The following AFAP1L1 variants were observed in gnomAD, a reference collection of about 807,000 sequenced individuals.
AFAP1L1 encodes actin filament-associated protein 1-like 1.
AFAP1L1 carries 77 observed loss-of-function variants against 99.8 expected under a neutral mutation model. That is an observed-to-expected ratio of 0.77 (90% CI 0.64 to 0.93). The LOEUF (loss-of-function observed/expected upper bound fraction) is 0.93. AFAP1L1 is among the 40% of genes least tolerant of loss of function. The probability of loss-of-function intolerance (pLI) is 0.00; values close to 1 mark genes in which losing one functional copy is unlikely to be tolerated. For synonymous variants in AFAP1L1, 373 were observed against 395.3 expected, an observed-to-expected ratio of 0.94 and a Z score of 0.67; for missense variants, 893 against 996.8, an observed-to-expected ratio of 0.90 and a Z score of 1.40.
At position 149,340,204 on chromosome 5, in the gene AFAP1L1, C is replaced by G; in HGVS notation, c.*174C>G. 1 of 641,644 alleles carries G rather than the reference C, an allele frequency of 1.6e-6. No individual in the cohort carries two copies. The highest frequency in any genetic ancestry group is 2.7e-6 in the Non-Finnish European group (1 of 371,626). 39.7% of individuals were successfully genotyped at this position (641,644 alleles called of 1,614,324 possible). ...GATTTTAGGGGATATGGGGAGGGAA[C>G]AAGTAGAAGGGAAGAGGGAAATGGA... is the stretch of plus-strand genomic sequence containing the variant. On this transcript the variant is annotated 3_prime_UTR_variant, in exon 19 of 19. Transcript: ENST00000296721.
At chr5:149,293,028 A>G (rs756539342) in intron 1 of AFAP1L1, among the ~76,000 whole-genome samples, 9 of 152,216 alleles carry the variant, frequency 5.9e-5, no homozygotes, top group African/African-American at 9.6e-5. Flanking sequence ...GCTCAGTGTC[A>G]GGGCCAGAGC....
chr5:149,302,725 G>T, intron 5 of AFAP1L1, 199 bp downstream of exon 5: 1 of 481,320 alleles, frequency 2.1e-6, no homozygotes. Flanking sequence ...GGGGCCCCAG[G>T]GGCTGGGGGC....
intron 1 of AFAP1L1, among the ~76,000 whole-genome samples, chr5:149,272,783 A>G (rs1028130641): frequency 3.6e-5 from 5 of 138,062 alleles, no homozygotes; most frequent in Admixed American, 2.4e-4. Flanking sequence ...GCTCACTGCA[A>G]CCTCCGCCTC....
rs371979196 is a variant in AFAP1L1, at chr5:149,334,880, CA to C, written c.2155-704del. 7.4e-3 allele frequency among the ~76,000 whole-genome samples: 1,018 copies of C among 137,884 alleles called. 3 individuals carry two copies. Among genetic ancestry groups the C allele is most frequent in the Middle Eastern group, 0.035 (10 of 282 alleles). 90.5% of individuals were successfully genotyped at this position (137,884 alleles called of 152,430 possible). ...GGCAAGAGAGCAAGACTCTGTCTTA[CA>C]AAAAAAAAAGAAAGAAAGGAAAGAA... On this transcript the variant is annotated intron_variant, in intron 17 of 18. Transcript: ENST00000296721.
At chr5:149,277,577 T>C (rs1755377398) in intron 1 of AFAP1L1, among the ~76,000 whole-genome samples, 1 of 152,236 alleles carries the variant, frequency 6.6e-6, no homozygotes, top group South Asian at 2.1e-4. Context: ...CCTTCTATGG[T>C]AATGGTCTTT....
At chr5:149,306,864 G>T (rs1297520191) in intron 6 of AFAP1L1, among the ~76,000 whole-genome samples, 1 of 150,944 alleles carries the variant, frequency 6.6e-6, no homozygotes, top group African/African-American at 2.4e-5. Flanking sequence ...CATTTATTAT[G>T]ATCATTTTAC....
At chr5:149,315,351 C>T (rs1229386237) in intron 9 of AFAP1L1, among the ~76,000 whole-genome samples, 3 of 152,204 alleles carry the variant, frequency 2.0e-5, no homozygotes, top group African/African-American at 7.2e-5. Flanking sequence ...TCCATCCTCA[C>T]TGTCATCTTG....
chr5:149,313,605 G>A (rs1355996166), intron 9 of AFAP1L1, among the ~76,000 whole-genome samples: 1 of 152,174 alleles, frequency 6.6e-6, no homozygotes, highest in African/African-American at 2.4e-5. Flanking sequence ...CATATCCGGG[G>A]CACCCCAGGA....
intron 1 of AFAP1L1, among the ~76,000 whole-genome samples, chr5:149,284,621 G>A (rs767787675): frequency 7.2e-5 from 11 of 152,350 alleles, no homozygotes; most frequent in Non-Finnish European, 1.6e-4. Flanking sequence ...ATGGGATTAC[G>A]GAGACGTTGG....
At chr5:149,289,961 C>T (rs1386443450) in intron 1 of AFAP1L1, among the ~76,000 whole-genome samples, 1 of 152,124 alleles carries the variant, frequency 6.6e-6, no homozygotes, top group African/African-American at 2.4e-5. Context: ...GGGCCGGGTG[C>T]GGTGGCTCAC....
chr5:149,300,994 A>G (rs1756186347), intron 3 of AFAP1L1, 139 bp from the exon 4 acceptor site: 3 of 632,418 alleles, frequency 4.7e-6, no homozygotes, highest in Non-Finnish European at 8.4e-6. Context: ...GTCAAAAGTC[A>G]TTTGTTTAGG....
chr5:149,285,946 G>A (rs1755666803), intron 1 of AFAP1L1, among the ~76,000 whole-genome samples: 1 of 152,124 alleles, frequency 6.6e-6, no homozygotes, highest in Admixed American at 6.5e-5. Context: ...ACCCATTACT[G>A]TGCTGAACAC....
chr5:149,332,928 C>A (rs1207176731), intron 17 of AFAP1L1, 55 bp downstream of exon 17: 2 of 1,460,476 alleles, frequency 1.4e-6, no homozygotes, highest in Middle Eastern at 2.5e-4. Context: ...CCTCCACTCA[C>A]TACAGATCTC....
chr5:149,307,816 CTT>C (rs113580484), intron 7 of AFAP1L1, among the ~76,000 whole-genome samples: 3 of 143,926 alleles, frequency 2.1e-5, no homozygotes, highest in Admixed American at 7.1e-5. Flanking sequence ...CTGTGCCTCT[CTT>C]TCTCTCTCTC....
At chr5:149,315,502 G>A (rs1423459198) in intron 9 of AFAP1L1, 2 of 322,846 alleles carry the variant, frequency 6.2e-6, no homozygotes. Context: ...TTACATGAGT[G>A]TTCCACTTAA....
chr5:149,273,519 G>A (rs1755204771), intron 1 of AFAP1L1, among the ~76,000 whole-genome samples: 1 of 152,004 alleles, frequency 6.6e-6, no homozygotes, highest in African/African-American at 2.4e-5. Flanking sequence ...AGAGAATACT[G>A]CATTCACCTT....
chr5:149,271,951 G>T lies in AFAP1L1; in HGVS notation c.-18G>T. On this transcript the variant is annotated 5_prime_UTR_variant, in exon 1 of 19. Coordinates refer to ENST00000296721, the MANE Select transcript of AFAP1L1 (RefSeq NM_152406.4). ...CCCTGCGCCCTGCGGCCCGCTCCCC[G>T]GGGACCGGGCCGGCGCCATGGACCG... is the stretch of plus-strand genomic sequence containing the variant. 1 of 1,228,692 alleles carries T rather than the reference G, an allele frequency of 8.1e-7. No individual in the cohort carries two copies. The highest frequency in any genetic ancestry group is 1.0e-6 in the Non-Finnish European group (1 of 984,342). The allele number at this position is 1,228,692 out of a possible 1,614,324, so 76.1% of individuals were successfully genotyped here.
rs372729877 is a variant in AFAP1L1, at chr5:149,323,645, A to AT, written c.1810+929dup. On this transcript the variant is annotated intron_variant, in intron 15 of 18. Transcript: ENST00000296721. ...TAGCTCCATTTCATTTGTATAGATCATCCCTTCTGAGGGTCAGGAAATCTG... is the reference window on the plus strand; with the variant it reads ...TAGCTCCATTTCATTTGTATAGATCATTCCCTTCTGAGGGTCAGGAAATCTG... Among the ~76,000 whole-genome samples, 27 of 152,338 alleles carry AT rather than the reference A, an allele frequency of 1.8e-4. No individual in the cohort carries two copies. In the East Asian group the frequency reaches 4.8e-3, roughly 27 times the overall value.
At chr5:149,313,334 C>T (rs1334905568) in intron 9 of AFAP1L1, among the ~76,000 whole-genome samples, 2 of 152,252 alleles carry the variant, frequency 1.3e-5, no homozygotes, top group East Asian at 3.9e-4. Context: ...GGGCCTTGCA[C>T]GATGTAATCG....
Sources: gnomAD v4.1 joint callset for allele counts (sites outside exome capture counted in the v4.1 genomes callset) on GRCh38, gnomAD v4.1.1 for gene constraint, MANE v1.5 for transcripts, NCBI Gene and HGNC (gene_info 2026-07-23, HGNC 2026-07-21) for gene names.